TIMD4: variants seen among roughly 807,000 people sequenced by gnomAD.
The protein encoded by TIMD4 is T-cell immunoglobulin and mucin domain-containing protein 4.
Under a neutral mutation model 41.2 loss-of-function variants are expected in TIMD4, and 31 were observed. The observed-to-expected ratio is 0.75, with a 90% CI of 0.57 to 1.01. The LOEUF is 1.01. Ranked by LOEUF, TIMD4 falls within the 50% of genes least tolerant of loss-of-function variation. TIMD4 has a pLI of 0.00. For missense variants in TIMD4, 479 were observed against 472.5 expected (o/e 1.01, Z -0.13); for synonymous variants, 204 against 177.1 (o/e 1.15, Z -1.21).
At chr5:156,921,616 C>CCAAAA (rs1561542964) in intron 7 of TIMD4, among the ~76,000 whole-genome samples, 2 of 47,252 alleles carry the variant, frequency 4.2e-5, no homozygotes, top group African/African-American at 7.2e-5. Flanking sequence ...GAGACTCTCT[C>CCAAAA]AAAAAAAAAA....
intron 5 of TIMD4, among the ~76,000 whole-genome samples, chr5:156,937,682 C>T (rs1759565489): frequency 6.6e-6 from 1 of 152,186 alleles, no homozygotes; most frequent in Admixed American, 6.5e-5. Context: ...ATTTGGTTGA[C>T]ATTTCTGAAG....
At chr5:156,949,120 T>C (rs969192199) in intron 4 of TIMD4, among the ~76,000 whole-genome samples, 3 of 152,190 alleles carry the variant, frequency 2.0e-5, no homozygotes, top group African/African-American at 7.2e-5. Flanking sequence ...GCCAATCGTG[T>C]CTTATTTCAG....
intron 6 of TIMD4, 55 bp from the exon 7 acceptor site, chr5:156,922,271 C>T (rs1759258764): frequency 7.5e-7 from 1 of 1,325,154 alleles, no homozygotes. Context: ...GCCACCCTCA[C>T]AAGATGACAT....
intron 2 of TIMD4, among the ~76,000 whole-genome samples, chr5:156,954,057 T>A (rs59219439): frequency 6.6e-6 from 1 of 152,178 alleles, no homozygotes. Flanking sequence ...GTTCATGCAG[T>A]TTTTTTATTA....
intron 2 of TIMD4, among the ~76,000 whole-genome samples, chr5:156,953,674 AAGAG>A (rs1238061896): frequency 6.7e-4 from 100 of 148,884 alleles, no homozygotes; most frequent in African/African-American, 2.4e-3. Flanking sequence ...AAAAAAAAAA[AAGAG>A]AGAGAGAGAG....
At chr5:156,949,553 A>T in intron 4 of TIMD4, 98 bp downstream of exon 4, 1 of 1,049,360 alleles carries the variant, frequency 9.5e-7, no homozygotes, top group Non-Finnish European at 1.5e-6. Flanking sequence ...AAAGACCCAA[A>T]GAGGTTGTCA....
intron 2 of TIMD4, among the ~76,000 whole-genome samples, chr5:156,952,930 G>A (rs1759889004): frequency 6.6e-6 from 1 of 152,176 alleles, no homozygotes; most frequent in Non-Finnish European, 1.5e-5. Context: ...TGAGAATGTG[G>A]TCTCTTTCAG....
chr5:156,950,315 C>T (rs1759829492), intron 3 of TIMD4, among the ~76,000 whole-genome samples: 1 of 151,988 alleles, frequency 6.6e-6, no homozygotes, highest in Admixed American at 6.6e-5. Flanking sequence ...AAGTTTTCTT[C>T]AAGGATTGCA....
chr5:156,953,898 A>C (rs1276101860), intron 2 of TIMD4, among the ~76,000 whole-genome samples: 1 of 152,132 alleles, frequency 6.6e-6, no homozygotes, highest in Non-Finnish European at 1.5e-5. Context: ...CATATCCCAG[A>C]TTTCATCAAA....
chr5:156,930,315 T>C (rs1267784036), intron 5 of TIMD4, among the ~76,000 whole-genome samples: 1 of 152,170 alleles, frequency 6.6e-6, no homozygotes, highest in African/African-American at 2.4e-5. Flanking sequence ...CATTATGCCA[T>C]ATTGCCAGTG....
At chr5:156,944,768 G>T (rs1017328042) in intron 5 of TIMD4, among the ~76,000 whole-genome samples, 15 of 151,978 alleles carry the variant, frequency 9.9e-5, no homozygotes, top group African/African-American at 3.6e-4. Context: ...GCCTCCCAAA[G>T]TGCTGGGATT....
chr5:156,940,280 T>A (rs532218813), intron 5 of TIMD4, among the ~76,000 whole-genome samples: 1 of 151,964 alleles, frequency 6.6e-6, no homozygotes, highest in African/African-American at 2.4e-5. Context: ...CAGGCTGGAG[T>A]GTAGTGGCGT....
At chr5:156,940,878 G>C (rs1011353894) in intron 5 of TIMD4, among the ~76,000 whole-genome samples, 9 of 152,262 alleles carry the variant, frequency 5.9e-5, no homozygotes, top group Non-Finnish European at 1.2e-4. Flanking sequence ...ACAGAAAAGG[G>C]GGAAATGTGG....
Position 156,951,809 on chromosome 5 carries a change from A to G in TIMD4, c.401-19T>C. ...GTTGAGGCTGTAACCAACAACAGAC[A>G]TGTTTGGCACCAAGCGGAGATGGAG... is the stretch of plus-strand genomic sequence containing the variant. On this transcript the variant is annotated intron_variant, in intron 2 of 8. Coordinates refer to ENST00000274532, the MANE Select transcript of TIMD4 (RefSeq NM_138379.3). 2.5e-6 allele frequency: 4 copies of G among 1,613,526 alleles called. No homozygotes were observed. Among genetic ancestry groups the G allele is most frequent in the Non-Finnish European group, 3.4e-6 (4 of 1,179,538 alleles).
intron 7 of TIMD4, among the ~76,000 whole-genome samples, chr5:156,921,212 T>C (rs1409928650): frequency 1.3e-5 from 2 of 151,988 alleles, no homozygotes; most frequent in African/African-American, 2.4e-5. Flanking sequence ...CCCTGAAAAA[T>C]GCAGGCATGA....
intron 5 of TIMD4, among the ~76,000 whole-genome samples, chr5:156,946,777 G>A (rs527285065): frequency 1.3e-5 from 2 of 151,556 alleles, no homozygotes; most frequent in Non-Finnish European, 2.9e-5. Context: ...GAGCCACCGC[G>A]CCTGGCCTCT....
intron 5 of TIMD4, 58 bp downstream of exon 5, chr5:156,948,358 A>AAT: frequency 9.6e-7 from 1 of 1,046,662 alleles, no homozygotes; most frequent in Non-Finnish European, 1.2e-6. Context: ...TGTCTAAAAA[A>AAT]AATAATAATA....
intron 6 of TIMD4, 112 bp from the exon 7 acceptor site, chr5:156,922,328 C>T: frequency 1.1e-6 from 1 of 889,574 alleles, no homozygotes; most frequent in Non-Finnish European, 1.8e-6. Context: ...CACTACATTT[C>T]ACCACCTTTT....
At chr5:156,952,997 T>C (rs758810460) in intron 2 of TIMD4, among the ~76,000 whole-genome samples, 2 of 152,224 alleles carry the variant, frequency 1.3e-5, no homozygotes, top group African/African-American at 2.4e-5. Context: ...TGATTTGAGC[T>C]TCATTAGCTA....
Sources: gnomAD v4.1 joint callset for allele counts (sites outside exome capture counted in the v4.1 genomes callset) on GRCh38, gnomAD v4.1.1 for gene constraint, MANE v1.5 for transcripts, NCBI Gene and HGNC (gene_info 2026-07-23, HGNC 2026-07-21) for gene names.